SEC23A: variants seen among roughly 807,000 people sequenced by gnomAD.
SEC23A encodes protein transport protein Sec23A.
SEC23A carries 56 observed loss-of-function variants against 103.7 expected under a neutral mutation model. The observed-to-expected ratio is 0.54, with a 90% CI of 0.44 to 0.67. SEC23A has a LOEUF of 0.67. Ranked by LOEUF, SEC23A falls within the 30% of genes least tolerant of loss-of-function variation. SEC23A has a pLI of 0.00. For synonymous variants in SEC23A, 281 were observed against 293.0 expected (o/e 0.96, Z 0.42); for missense variants, 784 against 936.4 (o/e 0.84, Z 2.12).
intron 12 of SEC23A, among the ~76,000 whole-genome samples, chr14:39,062,429 T>C (rs918824754): frequency 6.6e-6 from 1 of 152,102 alleles, no homozygotes. Flanking sequence ...ATCTGAGATG[T>C]TCAACTTGTA....
intron 9 of SEC23A, among the ~76,000 whole-genome samples, chr14:39,068,495 CT>C (rs1886746589): frequency 1.3e-5 from 2 of 152,184 alleles, no homozygotes; most frequent in Admixed American, 1.3e-4. Context: ...TCCTTTTTCC[CT>C]TGTGTTTGAA....
Position 39,039,278 on chromosome 14 carries a change from A to C in SEC23A, c.2143-182T>G, listed in dbSNP as rs532659989. 1.5e-4 allele frequency: 87 copies of C among 573,896 alleles called. 1 individual carries two copies. In the African/African-American group the frequency reaches 1.7e-3, roughly 11 times the overall value. The allele number at this position is 573,896 out of a possible 1,614,324, so 35.6% of individuals were successfully genotyped here. ...AGGTCACTAAGTGTTACAAATAAAT[A>C]ATAAATGCACCTCTTCTCTCCAAAT... On this transcript the variant is annotated intron_variant, in intron 18 of 19. Transcript: ENST00000307712.
At chr14:39,063,551 A>G (rs1293876546) in intron 11 of SEC23A, 138 bp from the exon 12 acceptor site, 1 of 582,856 alleles carries the variant, frequency 1.7e-6, no homozygotes, top group Admixed American at 3.1e-5. Context: ...AGAGCTTAAA[A>G]TATTTTAAGA....
chr14:39,059,928 A>C (rs771450042), intron 13 of SEC23A, among the ~76,000 whole-genome samples: 2 of 152,152 alleles, frequency 1.3e-5, no homozygotes, highest in African/African-American at 2.4e-5. Flanking sequence ...ATTAGTGGTA[A>C]TGTTTCTTTA....
intron 14 of SEC23A, among the ~76,000 whole-genome samples, chr14:39,053,884 A>G (rs888502971): frequency 1.3e-5 from 2 of 151,634 alleles, no homozygotes; most frequent in African/African-American, 4.8e-5. Flanking sequence ...TAAAATCCCA[A>G]CACTCTGGGA....
At chr14:39,049,321 C>T (rs1885961254) in intron 14 of SEC23A, among the ~76,000 whole-genome samples, 1 of 151,766 alleles carries the variant, frequency 6.6e-6, no homozygotes, top group Admixed American at 6.6e-5. Context: ...ACTAAAAATA[C>T]AAAAATAAGC....
At chr14:39,074,313 T>C (rs1403368875) in intron 9 of SEC23A, 102 bp downstream of exon 9, 2 of 787,226 alleles carry the variant, frequency 2.5e-6, no homozygotes, top group Non-Finnish European at 2.3e-6. Context: ...CTTGAAGTAG[T>C]GGGAAGATGA....
intron 14 of SEC23A, among the ~76,000 whole-genome samples, chr14:39,051,357 ATCTGG>A (rs1203432703): frequency 6.6e-6 from 1 of 152,196 alleles, no homozygotes; most frequent in East Asian, 1.9e-4. Context: ...CACAAGACTA[ATCTGG>A]TCTCTAGCCC....
rs190773970 is a variant in SEC23A, at chr14:39,055,439, G to A, written c.1506-143C>T. 655 of 782,820 alleles carry A rather than the reference G, an allele frequency of 8.4e-4. 5 individuals are homozygous for A. The highest frequency in any genetic ancestry group is 4.3e-3 in the Middle Eastern group (11 of 2,542). 48.5% of individuals were successfully genotyped at this position (782,820 alleles called of 1,614,324 possible). A position where few individuals can be genotyped will look rare whatever the true frequency, so the allele number is the denominator to read the frequency against. ...TTTTTTTTTTTTGAGACAGAGTCTC[G>A]CTCTGTCACCTAGGCTGCAGTGCAA... On this transcript the variant is annotated intron_variant, in intron 13 of 19. Transcript: ENST00000307712.
At chr14:39,070,296 T>C (rs963615681) in intron 9 of SEC23A, among the ~76,000 whole-genome samples, 1 of 152,240 alleles carries the variant, frequency 6.6e-6, no homozygotes. Context: ...TGTTGACATA[T>C]CTAATTGATT....
intron 14 of SEC23A, among the ~76,000 whole-genome samples, chr14:39,054,456 CA>C (rs1752265493): frequency 1.3e-5 from 2 of 152,166 alleles, no homozygotes; most frequent in African/African-American, 4.8e-5. Context: ...TGTTAATATG[CA>C]TAATTTTTCT....
At chr14:39,059,828 T>G (rs1387242723) in intron 13 of SEC23A, among the ~76,000 whole-genome samples, 1 of 152,176 alleles carries the variant, frequency 6.6e-6, no homozygotes, top group East Asian at 1.9e-4. Flanking sequence ...AGAAAGAGAC[T>G]ATATTCATAT....
At chr14:39,062,026 A>G (rs1351076855) in intron 12 of SEC23A, among the ~76,000 whole-genome samples, 155 bp from the exon 13 acceptor site, 7 of 152,234 alleles carry the variant, frequency 4.6e-5, no homozygotes, top group Non-Finnish European at 8.8e-5. Context: ...ATAATTTGTT[A>G]CACAGAAGAG....
At chr14:39,059,907 C>T (rs1886414649) in intron 13 of SEC23A, among the ~76,000 whole-genome samples, 1 of 152,150 alleles carries the variant, frequency 6.6e-6, no homozygotes, top group African/African-American at 2.4e-5. Flanking sequence ...TGTCCATGAT[C>T]ACACATTGGC....
intron 7 of SEC23A, among the ~76,000 whole-genome samples, chr14:39,079,247 T>C (rs1887136766): frequency 1.3e-5 from 2 of 151,954 alleles, no homozygotes. Context: ...AGAATACTTA[T>C]AAGAAACAAA....
chr14:39,089,535 T>C (rs8011877), intron 5 of SEC23A, among the ~76,000 whole-genome samples: 58 of 152,346 alleles, frequency 3.8e-4, no homozygotes, highest in African/African-American at 1.2e-3. Flanking sequence ...CATCTCACTC[T>C]TGCTTTAACT....
At chr14:39,084,306 G>A (rs575191386) in intron 7 of SEC23A, among the ~76,000 whole-genome samples, 11 of 152,116 alleles carry the variant, frequency 7.2e-5, no homozygotes, top group Middle Eastern at 6.8e-3. Flanking sequence ...GATTACAGGC[G>A]TGAACCACCG....
At chr14:39,082,393 G>A (rs180946105) in intron 7 of SEC23A, among the ~76,000 whole-genome samples, 1 of 151,988 alleles carries the variant, frequency 6.6e-6, no homozygotes, top group Non-Finnish European at 1.5e-5. Context: ...TAATTGATCA[G>A]AAAAGAATCA....
intron 5 of SEC23A, chr14:39,088,247 CAT>C (rs995835978): frequency 1.3e-5 from 2 of 151,970 alleles, no homozygotes; most frequent in Non-Finnish European, 2.9e-5. Context: ...AGAAAATAAA[CAT>C]GTTTCAATGG....
Sources: allele counts gnomAD v4.1 joint callset (sites outside exome capture counted in the v4.1 genomes callset), GRCh38; gene constraint gnomAD v4.1.1; transcripts MANE v1.5; gene names NCBI Gene and HGNC (gene_info 2026-07-23, HGNC 2026-07-21).